Variants in BCL9L observed in about 807,000 individuals in gnomAD.
BCL9L encodes the protein BCL9 like.
A neutral mutation model predicts 99.4 loss-of-function variants in BCL9L; 19 were observed. The ratio of observed to expected loss-of-function variants is 0.19; its 90% CI spans 0.13 to 0.28. The LOEUF is 0.28. Ranked by LOEUF, BCL9L falls within the 10% of genes least tolerant of loss-of-function variation. The probability of loss-of-function intolerance (pLI) is 1.00; values close to 1 mark genes in which losing one functional copy is unlikely to be tolerated. For synonymous variants in BCL9L, 900 were observed against 854.8 expected, an observed-to-expected ratio of 1.05 and a Z score of -0.92; for missense variants, 2,023 against 2,101.6, an observed-to-expected ratio of 0.96 and a Z score of 0.73.
chr11:118,907,273 C>T (rs1361473178), intron 5 of BCL9L, among the ~76,000 whole-genome samples: 8 of 152,170 alleles, frequency 5.3e-5, no homozygotes, highest in Non-Finnish European at 1.0e-4. Flanking sequence ...CTCTGCCCCA[C>T]CTAGGGTCCC....
chr11:118,908,285 C>T lies in BCL9L; in HGVS notation c.397G>A (p.Asp133Asn), dbSNP rs761342287. Residue 133 changes from aspartate (D) to asparagine (N), a missense_variant, in exon 4 of 10, where the codon GAT becomes AAT. By Grantham distance (23) the Asp-to-Asn change is conservative. Around this residue, in one of 3 missense-constraint regions of BCL9L, gnomAD observed 1,116 missense variants for 1,194.6 expected, o/e 0.93. Coordinates refer to ENST00000683865, the MANE Select transcript of BCL9L (RefSeq NM_001378213.1). Reference sequence around the variant, plus strand: ...AATGGGGTACCTTTGGCCTCTGAATCCAGGGATGGGGTCCCAGCCTCTCGC... The same window carrying T: ...AATGGGGTACCTTTGGCCTCTGAATTCAGGGATGGGGTCCCAGCCTCTCGC... Reference protein sequence around the residue: ...EQREAGTPSLDSEAKEVAPRS... With the variant: ...EQREAGTPSLNSEAKEVAPRS... The T allele has an allele frequency of 3.2e-6, 5 of 1,553,122 alleles. No individual in the cohort carries two copies. Among genetic ancestry groups the T allele is most frequent in the Admixed American group, 1.9e-5 (1 of 52,460 alleles).
rs146227710 is a variant in BCL9L, at chr11:118,917,130, C to T, written c.-77+1696G>A. ...TCAGCAGGCACCAACGATGGGGAAG[C>T]GGCGGCAGCAAACAGTGGATCTGGA... is the stretch of plus-strand genomic sequence containing the variant. On this transcript the variant is annotated intron_variant, in intron 2 of 9. Transcript: ENST00000683865. Among the ~76,000 whole-genome samples the T allele has an allele frequency of 1.3e-3, 195 of 152,264 alleles. 1 individual carries two copies. The highest frequency in any genetic ancestry group is 4.5e-3 in the African/African-American group (187 of 41,544).
rs1448076672 is a variant in BCL9L at position 118,898,788 on chromosome 11, T to C, written c.4127A>G (p.Asn1376Ser). The C allele has an allele frequency of 6.2e-7, 1 of 1,613,762 alleles. No homozygotes were observed. Among genetic ancestry groups the C allele is most frequent in the South Asian group, 1.1e-5 (1 of 91,072 alleles). Residue 1376 changes from asparagine to serine, a missense_variant, in exon 10 of 10, where the codon AAC becomes AGC. By Grantham distance (46) the Asn-to-Ser change is conservative. This residue lies in a region of BCL9L where 902 missense variants were observed against 888.2 expected (regional missense o/e 1.02). Coordinates refer to ENST00000683865, the MANE Select transcript of BCL9L (RefSeq NM_001378213.1). ...CTGGACGCCCTGCTGGCCTGGGAGG[T>C]TGGGAGGCCGAGAGGGAGTCTGCTC... ...MAEQTPSRPPNLPGQQGVQRG... is the reference protein window; with the variant it reads ...MAEQTPSRPPSLPGQQGVQRG...
intron 2 of BCL9L, among the ~76,000 whole-genome samples, chr11:118,915,686 C>G (rs1384923068): frequency 1.3e-5 from 2 of 152,228 alleles, no homozygotes; most frequent in Admixed American, 1.3e-4. Flanking sequence ...CCAGCCTCCC[C>G]TCTGCCAGGT....
At chr11:118,913,036 AGGAT>A (rs1311939889) in intron 2 of BCL9L, among the ~76,000 whole-genome samples, 1 of 152,106 alleles carries the variant, frequency 6.6e-6, no homozygotes, top group Admixed American at 6.5e-5. Context: ...AGGGAGGTCA[AGGAT>A]TCGTAGCCCA....
At chr11:118,916,392 T>C (rs1202518434) in intron 2 of BCL9L, among the ~76,000 whole-genome samples, 4 of 152,168 alleles carry the variant, frequency 2.6e-5, no homozygotes, top group Non-Finnish European at 5.9e-5. Flanking sequence ...ACCCCATCCC[T>C]GCCGCCCACT....
At chr11:118,917,372 C>G (rs7929825) in intron 2 of BCL9L, among the ~76,000 whole-genome samples, 48,696 of 152,106 alleles carry the variant, frequency 0.32, 11,470 homozygotes, top group African/African-American at 0.67. Context: ...CACGTGCATC[C>G]TCTAGTTTAA....
Position 118,898,294 on chromosome 11 carries a change from G to GCCCCCAACCCCCC in BCL9L, c.*120_*121insGGGGGGTTGGGGG. On this transcript the variant is annotated 3_prime_UTR_variant, in exon 10 of 10. Transcript: ENST00000683865. ...TCCACAAATGCCACTCCCTACACAA[G>GCCCCCAACCCCCC]CCCCCTCCCACCCCCTCCACCCCAC... is the stretch of plus-strand genomic sequence containing the variant. 4 of 452,312 alleles carry GCCCCCAACCCCCC rather than the reference G, an allele frequency of 8.8e-6. No individual in the cohort carries two copies. Among genetic ancestry groups the GCCCCCAACCCCCC allele is most frequent in the East Asian group, 4.3e-5 (1 of 23,130 alleles). 28.0% of individuals were successfully genotyped at this position (452,312 alleles called of 1,614,324 possible).
intron 1 of BCL9L, among the ~76,000 whole-genome samples, chr11:118,920,379 C>T (rs1395964387): frequency 6.6e-6 from 1 of 152,208 alleles, no homozygotes; most frequent in Non-Finnish European, 1.5e-5. Flanking sequence ...GGACTTCCCA[C>T]GATCGATCAA....
At position 118,899,343 on chromosome 11, in the gene BCL9L, G is replaced by A. The variant is rs1205461335; in HGVS notation, c.3572C>T (p.Ala1191Val). Residue 1191 changes from alanine to valine, a missense_variant, in exon 10 of 10, where the codon GCA becomes GTA. By Grantham distance (64) the Ala-to-Val change is moderately conservative. Around this residue, in one of 3 missense-constraint regions of BCL9L, gnomAD observed 902 missense variants for 888.2 expected, o/e 1.02. Coordinates refer to ENST00000683865, the MANE Select transcript of BCL9L (RefSeq NM_001378213.1). ...TTGAGGGGGCCCCCCTGTCCCCTGT[G>A]CGTTGGGATGCAGTGGAATGTTGGA... Reference protein sequence around the residue: ...LGSNIPLHPNAQGTGGPPQNS... With the variant: ...LGSNIPLHPNVQGTGGPPQNS... The A allele has an allele frequency of 3.8e-6, 6 of 1,578,858 alleles. No individual in the cohort carries two copies. In the East Asian group the frequency reaches 1.1e-4, roughly 30 times the overall value.
rs1477779602 is a variant in BCL9L at position 118,903,927 on chromosome 11, A to C, written c.533-475T>G. On this transcript the variant is annotated intron_variant, in intron 5 of 9. Coordinates refer to ENST00000683865, the MANE Select transcript of BCL9L (RefSeq NM_001378213.1). This position sits in a 1 kb window ranked among gnomAD's most constrained non-coding sequence, Gnocchi z 5.6. ...TGACCCAGTTAGGGAGAAGGCAGAGAGGGTACACAAGCTGATGATCCAAAT... is the reference window on the plus strand; with the variant it reads ...TGACCCAGTTAGGGAGAAGGCAGAGCGGGTACACAAGCTGATGATCCAAAT... Among the ~76,000 whole-genome samples, 1 of 152,170 alleles carries C rather than the reference A, an allele frequency of 6.6e-6. No homozygotes were observed. The highest frequency in any genetic ancestry group is 1.5e-5 in the Non-Finnish European group (1 of 68,034).
Position 118,901,419 on chromosome 11 carries a change from T to C in BCL9L, c.2324A>G (p.Asn775Ser), listed in dbSNP as rs752138375. 3.7e-6 allele frequency: 6 copies of C among 1,614,010 alleles called. No homozygotes were observed. The highest frequency in any genetic ancestry group is 1.7e-5 in the Admixed American group (1 of 60,014). The change falls in exon 8 of 10, where the codon AAT (asparagine) becomes AGT (serine). Residue 775 changes from asparagine to serine, a missense_variant. By Grantham distance (46) the Asn-to-Ser change is conservative. Around this residue, in one of 3 missense-constraint regions of BCL9L, gnomAD observed 1,116 missense variants for 1,194.6 expected, o/e 0.93. Transcript: ENST00000683865. The surrounding 1 kb of genome is among the most constrained non-coding windows in gnomAD (Gnocchi z 6.6). The stretch of plus-strand genomic sequence containing the variant: ...GTTCATGTTCATGTTCATGTTGACA[T>C]TCATGTTCATGTTGAGGTTGCCTGG... Reference protein sequence around the residue: ...MGPGNLNMNMNVNMNMNMNLN... With the variant: ...MGPGNLNMNMSVNMNMNMNLN...
At position 118,900,660 on chromosome 11, in the gene BCL9L, A is replaced by C; in HGVS notation, c.3083T>G (p.Leu1028Arg). Residue 1028 changes from leucine (L) to arginine (R), a missense_variant, in exon 8 of 10, where the codon CTC (leucine) becomes CGC (arginine). Physicochemically the swap from Leu to Arg is moderately radical, Grantham distance 102. Around this residue, in one of 3 missense-constraint regions of BCL9L, gnomAD observed 902 missense variants for 888.2 expected, o/e 1.02. Transcript: ENST00000683865. The surrounding 1 kb of genome is among the most constrained non-coding windows in gnomAD (Gnocchi z 5.3). ...CAGGGTGGTGGAAGAGTTCATGTTG[A>C]GAGGCGGCTGCTTGTTCTGGGAGAC... The part of the protein sequence containing the change: ...PGVSQNKQPP[L>R]NMNSSTTLSN... The C allele has an allele frequency of 1.9e-6, 3 of 1,612,788 alleles. No individual in the cohort carries two copies. The highest frequency in any genetic ancestry group is 2.5e-6 in the Non-Finnish European group (3 of 1,179,380).
chr11:118,902,913 A>C lies in BCL9L; in HGVS notation c.835-5T>G. The C allele has an allele frequency of 6.3e-7, 1 of 1,582,426 alleles. No homozygotes were observed. The highest frequency in any genetic ancestry group is 8.6e-7 in the Non-Finnish European group (1 of 1,169,042). ...GGTGGGGGGCACTTTAGGGGCCTGC[A>C]GAAGGACAAAGAGAGCATGAGACAG... On this transcript the variant is annotated splice_polypyrimidine_tract_variant and splice_region_variant and intron_variant, in intron 7 of 9. Transcript: ENST00000683865. The surrounding 1 kb of genome is among the most constrained non-coding windows in gnomAD (Gnocchi z 7.8).
At position 118,901,317 on chromosome 11, in the gene BCL9L, G is replaced by T. The variant is rs759038269; in HGVS notation, c.2426C>A (p.Pro809His). ...CATCTCCTCAGGACTGAGGCCCTGG[G>T]GCCCCATCAAGTCCCCAGGGCCCCG... Reference protein sequence around the residue: ...KMRGPGDLMGPQGLSPEEMAR... With the variant: ...KMRGPGDLMGHQGLSPEEMAR... The change falls in exon 8 of 10, where the codon CCC becomes CAC. Residue 809 changes from proline to histidine, a missense_variant. Coordinates refer to ENST00000683865, the MANE Select transcript of BCL9L (RefSeq NM_001378213.1). The surrounding 1 kb of genome is among the most constrained non-coding windows in gnomAD (Gnocchi z 6.6). The T allele has an allele frequency of 5.0e-6, 8 of 1,613,546 alleles. No individual in the cohort carries two copies. The highest frequency in any genetic ancestry group is 6.8e-6 in the Non-Finnish European group (8 of 1,179,934).
At chr11:118,907,670 C>A in intron 4 of BCL9L, 68 bp from the exon 5 acceptor site, 1 of 1,586,844 alleles carries the variant, frequency 6.3e-7, no homozygotes, top group Non-Finnish European at 8.5e-7. Flanking sequence ...ACCCAGGGTC[C>A]CTCCCAGATC....
In BCL9L at chr11:118,902,447, C is replaced by T. The variant is rs1940302912; in HGVS notation, c.1296G>A (p.Lys432=). 7 of 1,599,658 alleles carry T rather than the reference C, an allele frequency of 4.4e-6. No homozygotes were observed. The highest frequency in any genetic ancestry group is 6.0e-6 in the Non-Finnish European group (7 of 1,173,402). Residue 432 remains lysine (K), a synonymous_variant, in exon 8 of 10, where the codon AAG becomes AAA. Transcript: ENST00000683865. This position sits in a 1 kb window ranked among gnomAD's most constrained non-coding sequence, Gnocchi z 7.8. ...LRSGETEPFL[K]GPPGGAGEGG... ...CCTCACCCGCTCCTCCTGGGGGCCCCTTGAGGAAGGGCTCAGTCTCTCCGC... is the reference window on the plus strand; with the variant it reads ...CCTCACCCGCTCCTCCTGGGGGCCCTTTGAGGAAGGGCTCAGTCTCTCCGC...
Position 118,896,317 on chromosome 11 carries a change from T to C in BCL9L, c.*2098A>G, listed in dbSNP as rs1191788256. 4 of 156,102 alleles carry C rather than the reference T, an allele frequency of 2.6e-5. No individual in the cohort carries two copies. The South Asian group carries it at 8.3e-4, about 32-fold the overall frequency. The allele number at this position is 156,102 out of a possible 1,614,324, so 9.7% of individuals were successfully genotyped here. On this transcript the variant is annotated 3_prime_UTR_variant, in exon 10 of 10. Coordinates refer to ENST00000683865, the MANE Select transcript of BCL9L (RefSeq NM_001378213.1). ...TATATATTTATATAATGGTACAAAATGGCTGGGGGTGTGGCCATGGATGGA... is the reference window on the plus strand; with the variant it reads ...TATATATTTATATAATGGTACAAAACGGCTGGGGGTGTGGCCATGGATGGA...
At chr11:118,918,484 T>C (rs1941039426) in intron 2 of BCL9L, among the ~76,000 whole-genome samples, 1 of 147,912 alleles carries the variant, frequency 6.8e-6, no homozygotes, top group Non-Finnish European at 1.5e-5. Context: ...GGGCGGAATC[T>C]CCTTGCCTCC....
Sources: gnomAD v4.1 joint callset for allele counts (sites outside exome capture counted in the v4.1 genomes callset) on GRCh38, gnomAD v4.1.1 for gene constraint, gnomAD v4.1.1 regional missense constraint, Gnocchi (gnomAD v3.1) non-coding constraint, MANE v1.5 for transcripts, NCBI Gene and HGNC (gene_info 2026-07-23, HGNC 2026-07-21) for gene names.